The following FAR2 variants were observed in gnomAD, a reference collection of about 807,000 sequenced individuals.
FAR2 encodes epididymis secretory protein Li 81.
In FAR2, 19 loss-of-function variants were observed where a neutral mutation model predicts 56.0. That is an observed-to-expected ratio of 0.34 (90% CI 0.24 to 0.50). The LOEUF (loss-of-function observed/expected upper bound fraction) is 0.50. FAR2 is among the 20% of genes least tolerant of loss of function. The pLI is 0.98. For synonymous variants in FAR2, 219 were observed against 218.8 expected, an observed-to-expected ratio of 1.00 and a Z score of -0.01; for missense variants, 508 against 642.2, an observed-to-expected ratio of 0.79 and a Z score of 2.26.
At chr12:29,177,911 C>T (rs1335645152) in intron 1 of FAR2, among the ~76,000 whole-genome samples, 1 of 152,006 alleles carries the variant, frequency 6.6e-6, no homozygotes. Context: ...AGGCAAATTA[C>T]CATTATGGGA....
At chr12:29,321,152 A>G (rs964761207) in intron 9 of FAR2, among the ~76,000 whole-genome samples, 42 of 151,994 alleles carry the variant, frequency 2.8e-4, no homozygotes, top group Admixed American at 9.8e-4. Context: ...ACACTAATAC[A>G]GTCAACACTT....
At chr12:29,204,220 A>G (rs1591849451) in intron 1 of FAR2, among the ~76,000 whole-genome samples, 1 of 151,972 alleles carries the variant, frequency 6.6e-6, no homozygotes, top group Non-Finnish European at 1.5e-5. Context: ...AGACAGATGC[A>G]GATTTTTTCA....
At chr12:29,167,487 G>A (rs188183333) in intron 1 of FAR2, among the ~76,000 whole-genome samples, 12 of 151,934 alleles carry the variant, frequency 7.9e-5, no homozygotes, top group East Asian at 7.7e-4. Flanking sequence ...ACTTATTTTC[G>A]TTCTCTCCTT....
In FAR2 at chr12:29,333,970, T is replaced by C; in HGVS notation, c.*176T>C. The C allele has an allele frequency of 1.1e-5, 6 of 553,046 alleles. No homozygotes were observed. Among genetic ancestry groups the C allele is most frequent in the Non-Finnish European group, 1.8e-5 (6 of 334,462 alleles). 34.3% of individuals were successfully genotyped at this position (553,046 alleles called of 1,614,324 possible). On this transcript the variant is annotated 3_prime_UTR_variant, in exon 12 of 12. Transcript: ENST00000536681. The stretch of plus-strand genomic sequence containing the variant: ...TTTTATTTCAGTGAGAGAAGGAAAG[T>C]TGTAAACTAGCCCATAGTCACCTAT...
intron 4 of FAR2, among the ~76,000 whole-genome samples, chr12:29,298,235 TAGA>T (rs1380557951): frequency 6.6e-6 from 1 of 151,688 alleles, no homozygotes; most frequent in Non-Finnish European, 1.5e-5. Flanking sequence ...GCTCAGGTCT[TAGA>T]ATAAGTTTGT....
chr12:29,180,005 T>G (rs1416113415), intron 1 of FAR2, among the ~76,000 whole-genome samples: 1 of 152,186 alleles, frequency 6.6e-6, no homozygotes, highest in Non-Finnish European at 1.5e-5. Flanking sequence ...TTATCTCATA[T>G]TTGCAATGGA....
chr12:29,250,949 G>A (rs1591891500), intron 1 of FAR2, among the ~76,000 whole-genome samples: 1 of 152,276 alleles, frequency 6.6e-6, no homozygotes, highest in Non-Finnish European at 1.5e-5. Context: ...TTGGATCCTA[G>A]GGTGGCAGGG....
At chr12:29,218,157 C>T (rs1417578661) in intron 1 of FAR2, among the ~76,000 whole-genome samples, 1 of 151,966 alleles carries the variant, frequency 6.6e-6, no homozygotes, top group Admixed American at 6.5e-5. Flanking sequence ...GAGATCCAGA[C>T]CATCCTGGCT....
chr12:29,220,050 C>T (rs1303131978), intron 1 of FAR2, among the ~76,000 whole-genome samples: 1 of 152,140 alleles, frequency 6.6e-6, no homozygotes, highest in Non-Finnish European at 1.5e-5. Flanking sequence ...ATTATGATCC[C>T]TGCACATTAC....
At chr12:29,180,414 C>T (rs752366258) in intron 1 of FAR2, among the ~76,000 whole-genome samples, 6 of 152,102 alleles carry the variant, frequency 3.9e-5, no homozygotes, top group Admixed American at 3.3e-4. Context: ...TTCCAGTTCC[C>T]TTATGCTGCT....
intron 1 of FAR2, among the ~76,000 whole-genome samples, chr12:29,191,012 C>G (rs1481250007): frequency 6.6e-6 from 1 of 152,082 alleles, no homozygotes; most frequent in South Asian, 2.1e-4. Flanking sequence ...TCATTCCTGC[C>G]CCTGTCCTCA....
In FAR2 at chr12:29,226,557, T is replaced by C. The variant is rs184084041; in HGVS notation, c.-38-43855T>C. On this transcript the variant is annotated intron_variant, in intron 1 of 11. Coordinates refer to ENST00000536681, the MANE Select transcript of FAR2 (RefSeq NM_001271783.2). ...CTTTCAAACTATGGGAAACAAACTT[T>C]TTTTATGGTGGTGAATCACTTCCAA... Among the ~76,000 whole-genome samples the C allele has an allele frequency of 6.1e-3, 934 of 152,324 alleles. 4 individuals are homozygous for C. The highest frequency in any genetic ancestry group is 9.8e-3 in the Non-Finnish European group (665 of 68,014).
At chr12:29,303,850 A>G (rs907149042) in intron 4 of FAR2, among the ~76,000 whole-genome samples, 3 of 152,230 alleles carry the variant, frequency 2.0e-5, no homozygotes, top group Non-Finnish European at 4.4e-5. Context: ...GCTTTAAATT[A>G]CAAACCAGAA....
At chr12:29,293,154 A>T in intron 2 of FAR2, 146 bp from the exon 3 acceptor site, 1 of 628,938 alleles carries the variant, frequency 1.6e-6, no homozygotes, top group Non-Finnish European at 2.5e-6. Context: ...GGCATATGCC[A>T]CCATGCCCAG....
rs1248276029 is a variant in FAR2 at position 29,335,552 on chromosome 12, A to AT, written c.*1759dup. Reference sequence around the variant, plus strand: ...TTTGATTGTATGTTTTACCAATTCAATAATTCCACTAATCAAGTATTCACA... The same window carrying AT: ...TTTGATTGTATGTTTTACCAATTCAATTAATTCCACTAATCAAGTATTCACA... On this transcript the variant is annotated 3_prime_UTR_variant, in exon 12 of 12. Coordinates refer to ENST00000536681, the MANE Select transcript of FAR2 (RefSeq NM_001271783.2). 1.3e-5 allele frequency: 2 copies of AT among 152,196 alleles called. No homozygotes were observed. The highest frequency in any genetic ancestry group is 4.8e-5 in the African/African-American group (2 of 41,444). 9.4% of individuals were successfully genotyped at this position (152,196 alleles called of 1,614,324 possible). A position where few individuals can be genotyped will look rare whatever the true frequency, so the allele number is the denominator to read the frequency against.
chr12:29,272,595 T>G (rs935707397), intron 2 of FAR2, among the ~76,000 whole-genome samples: 4 of 152,240 alleles, frequency 2.6e-5, no homozygotes, highest in African/African-American at 9.6e-5. Context: ...TAGCTCATCA[T>G]AGTTTTATAT....
chr12:29,264,965 C>T (rs1012955007), intron 1 of FAR2, among the ~76,000 whole-genome samples: 1 of 151,954 alleles, frequency 6.6e-6, no homozygotes, highest in African/African-American at 2.4e-5. Context: ...ACAAATTAAC[C>T]AATGAAATAA....
intron 1 of FAR2, among the ~76,000 whole-genome samples, chr12:29,158,423 A>G (rs758353934): frequency 6.6e-6 from 1 of 152,222 alleles, no homozygotes; most frequent in Non-Finnish European, 1.5e-5. Context: ...CAAAGAATTA[A>G]TTTCCTTCAT....
At chr12:29,231,246 G>T (rs1012904430) in intron 1 of FAR2, among the ~76,000 whole-genome samples, 12 of 152,264 alleles carry the variant, frequency 7.9e-5, no homozygotes, top group African/African-American at 2.6e-4. Context: ...AGGTCATGTG[G>T]TGGTGGTAGA....
Sources: gnomAD v4.1 joint callset for allele counts (sites outside exome capture counted in the v4.1 genomes callset) on GRCh38, gnomAD v4.1.1 for gene constraint, MANE v1.5 for transcripts, NCBI Gene and HGNC (gene_info 2026-07-23, HGNC 2026-07-21) for gene names.